PYCR2: variants seen among roughly 807,000 people sequenced by gnomAD.
PYCR2 encodes P5C reductase 2.
PYCR2 carries 17 observed loss-of-function variants against 23.4 expected under a neutral mutation model. The ratio of observed to expected loss-of-function variants is 0.73; its 90% CI spans 0.50 to 1.09. PYCR2 has a LOEUF of 1.09. Ranked by LOEUF, PYCR2 falls within the 50% of genes least tolerant of loss-of-function variation. PYCR2 has a pLI of 0.00. For missense variants in PYCR2, 380 were observed against 423.5 expected, an observed-to-expected ratio of 0.90 and a Z score of 0.90; for synonymous variants, 172 against 176.6, an observed-to-expected ratio of 0.97 and a Z score of 0.21.
rs750920770 is a variant in PYCR2 at position 225,923,751 on chromosome 1, T to C, written c.88A>G (p.Ile30Val). The C allele has an allele frequency of 1.2e-6, 2 of 1,614,112 alleles. No individual in the cohort carries two copies. Among genetic ancestry groups the C allele is most frequent in the South Asian group, 2.2e-5 (2 of 91,076 alleles). Residue 30 changes from isoleucine (I) to valine (V), a missense_variant, in exon 2 of 7, where the codon ATA (isoleucine) becomes GTA (valine). By Grantham distance (29) the Ile-to-Val change is conservative. Transcript: ENST00000343818. ...TAAGILSAHK[I>V]IASSPEMNLP... ...TTCATTTCTGGGGAGCTGGCTATTATCTTGTGAGCCGACAGGATGCCTGCA... is the reference window on the plus strand; with the variant it reads ...TTCATTTCTGGGGAGCTGGCTATTACCTTGTGAGCCGACAGGATGCCTGCA...
At position 225,923,719 on chromosome 1, in the gene PYCR2, G is replaced by A; in HGVS notation, c.120C>T (p.Pro40=). The A allele has an allele frequency of 1.2e-6, 2 of 1,614,152 alleles. No individual in the cohort carries two copies. Among genetic ancestry groups the A allele is most frequent in the Non-Finnish European group, 1.7e-6 (2 of 1,180,002 alleles). Residue 40 remains proline, a synonymous_variant, in exon 2 of 7, where the codon CCC becomes CCT. Transcript: ENST00000343818. ...CACCTACCCTGAGCGCGGACACCGTGGGCAGGTTCATTTCTGGGGAGCTGG... is the reference window on the plus strand; with the variant it reads ...CACCTACCCTGAGCGCGGACACCGTAGGCAGGTTCATTTCTGGGGAGCTGG... ...IIASSPEMNL[P]TVSALRKMGV... is the part of the protein sequence containing the mutation.
Position 225,921,929 on chromosome 1 carries a change from C to T in PYCR2, c.469G>A (p.Gly157Ser), listed in dbSNP as rs1021049051. ...QLLEQLMSSV[G>S]FCTEVEEDLI... ...TCCTCTTCCACCTCAGTGCAGAAGC[C>T]CACGCTGCTCATGAGCTGCTCCAGG... Residue 157 changes from glycine to serine, a missense_variant, in exon 4 of 7, where the codon GGC becomes AGC. Physicochemically the swap from Gly to Ser is moderately conservative, Grantham distance 56. Coordinates refer to ENST00000343818, the MANE Select transcript of PYCR2 (RefSeq NM_013328.4). The surrounding 1 kb of genome is among the most constrained non-coding windows in gnomAD (Gnocchi z 4.2). The T allele has an allele frequency of 1.9e-6, 3 of 1,613,894 alleles. No homozygotes were observed. The highest frequency in any genetic ancestry group is 2.5e-6 in the Non-Finnish European group (3 of 1,180,034).
chr1:225,920,442 G>T lies in PYCR2; in HGVS notation c.*13C>A. ...ACTAAGGGCTCTGAATCACAGAGGG[G>T]ACAGATGCTGCCTTAGTCCTTCTTG... On this transcript the variant is annotated 3_prime_UTR_variant, in exon 7 of 7. Coordinates refer to ENST00000343818, the MANE Select transcript of PYCR2 (RefSeq NM_013328.4). 1.4e-6 allele frequency: 2 copies of T among 1,426,528 alleles called. No individual in the cohort carries two copies. The highest frequency in any genetic ancestry group is 4.7e-5 in the East Asian group (2 of 42,310). The allele number at this position is 1,426,528 out of a possible 1,614,324, so 88.4% of individuals were successfully genotyped here.
rs1298870354 is a variant in PYCR2, at chr1:225,920,706, A to T, written c.798-86T>A. 9 of 1,481,538 alleles carry T rather than the reference A, an allele frequency of 6.1e-6. No homozygotes were observed. The African/African-American group carries it at 1.3e-4, about 21-fold the overall frequency. The allele number at this position is 1,481,538 out of a possible 1,614,324, so 91.8% of individuals were successfully genotyped here. The stretch of plus-strand genomic sequence containing the variant: ...AGTCTCCACTATCCACACAACCCTC[A>T]AGCTTGTTGATGTGACACCACCAAA... On this transcript the variant is annotated intron_variant, in intron 6 of 6. Coordinates refer to ENST00000343818, the MANE Select transcript of PYCR2 (RefSeq NM_013328.4).
intron 2 of PYCR2, chr1:225,923,068 G>A (rs1399002027): frequency 1.1e-6 from 1 of 941,972 alleles, no homozygotes; most frequent in Non-Finnish European, 1.3e-6. Context: ...TGTAAATGAG[G>A]AAATAGCCTC....
At chr1:225,923,111 C>T (rs535850264) in intron 2 of PYCR2, 7 of 837,318 alleles carry the variant, frequency 8.4e-6, no homozygotes, top group East Asian at 1.2e-4. Context: ...TCATACAACT[C>T]GTCTATTAAG....
chr1:225,921,433 C>T lies in PYCR2; in HGVS notation c.634-62G>A. ...GTGCGTTGGAACAGGCTTCCCATAC[C>T]CACTGCTCCTGCCCAACTGCTACCC... On this transcript the variant is annotated intron_variant, in intron 5 of 6. Transcript: ENST00000343818. The surrounding 1 kb of genome is among the most constrained non-coding windows in gnomAD (Gnocchi z 4.2). 2.0e-6 allele frequency: 3 copies of T among 1,523,618 alleles called. No individual in the cohort carries two copies. Among genetic ancestry groups the T allele is most frequent in the Non-Finnish European group, 2.7e-6 (3 of 1,105,722 alleles). 94.4% of individuals were successfully genotyped at this position (1,523,618 alleles called of 1,614,324 possible).
chr1:225,924,079 A>C lies in PYCR2; in HGVS notation c.32T>G (p.Leu11Arg). The change falls in exon 1 of 7, where the codon CTG becomes CGG. Residue 11 changes from leucine (L) to arginine (R), a missense_variant. Physicochemically the swap from Leu to Arg is moderately radical, Grantham distance 102 (BLOSUM62 -2). Coordinates refer to ENST00000343818, the MANE Select transcript of PYCR2 (RefSeq NM_013328.4). ...GAAGCCCCGCGCCAGAGCATAGGCCAGCTGGCCGGCCCCGATGAAGCCCAC... is the reference window on the plus strand; with the variant it reads ...GAAGCCCCGCGCCAGAGCATAGGCCCGCTGGCCGGCCCCGATGAAGCCCAC... MSVGFIGAGQ[L>R]AYALARGFTA... 6.5e-7 allele frequency: 1 copy of C among 1,545,598 alleles called. No homozygotes were observed.
intron 1 of PYCR2, 97 bp downstream of exon 1, chr1:225,923,947 C>G: frequency 4.7e-6 from 7 of 1,492,022 alleles, no homozygotes; most frequent in Non-Finnish European, 6.3e-6. Context: ...CCCCACCGGA[C>G]GCAAACTCCC....
At position 225,923,391 on chromosome 1, in the gene PYCR2, GAAAAA is replaced by G. The variant is rs146823965; in HGVS notation, c.138+305_138+309del. 3.7e-6 allele frequency: 4 copies of G among 1,090,952 alleles called. No individual in the cohort carries two copies. The East Asian group carries it at 2.3e-4, about 62-fold the overall frequency. 67.6% of individuals were successfully genotyped at this position (1,090,952 alleles called of 1,614,324 possible). On this transcript the variant is annotated intron_variant, in intron 2 of 6. Coordinates refer to ENST00000343818, the MANE Select transcript of PYCR2 (RefSeq NM_013328.4). Reference sequence around the variant, plus strand: ...TGGGCGACAGAGTAAGACCCTGTCTGAAAAAAAATTTAAAAAATGAGTATTTATTA... The same window carrying G: ...TGGGCGACAGAGTAAGACCCTGTCTGAAATTTAAAAAATGAGTATTTATTA...
chr1:225,924,084 G>T lies in PYCR2; in HGVS notation c.27C>A (p.Gly9=). Residue 9 remains glycine (G), a synonymous_variant, in exon 1 of 7, where the codon GGC becomes GGA. Coordinates refer to ENST00000343818, the MANE Select transcript of PYCR2 (RefSeq NM_013328.4). MSVGFIGA[G]QLAYALARGF... is the part of the protein sequence containing the mutation. ...CCCGCGCCAGAGCATAGGCCAGCTG[G>T]CCGGCCCCGATGAAGCCCACGCTCA... 1.3e-6 allele frequency: 2 copies of T among 1,545,678 alleles called. No individual in the cohort carries two copies.
Position 225,921,351 on chromosome 1 carries a change from C to G in PYCR2, c.654G>C (p.Leu218=), listed in dbSNP as rs996822195. Residue 218 remains leucine (L), a synonymous_variant, in exon 6 of 7, where the codon CTG becomes CTC. Transcript: ENST00000343818. The surrounding 1 kb of genome is among the most constrained non-coding windows in gnomAD (Gnocchi z 4.2). ...GCTGGCATGGATGCTGCTCCGAGTCCAGCAGCATCTTGGCAGCTCCCTATG... is the reference window on the plus strand; with the variant it reads ...GCTGGCATGGATGCTGCTCCGAGTCGAGCAGCATCTTGGCAGCTCCCTATG... ...QALLGAAKML[L]DSEQHPCQLK... 5 of 1,549,826 alleles carry G rather than the reference C, an allele frequency of 3.2e-6. No individual in the cohort carries two copies. The African/African-American group carries it at 4.1e-5, about 13-fold the overall frequency.
rs532568735 is a variant in PYCR2, at chr1:225,923,408, A to G, written c.138+293T>C. The G allele has an allele frequency of 2.2e-5, 26 of 1,174,160 alleles. No homozygotes were observed. The African/African-American group carries it at 3.3e-4, about 15-fold the overall frequency. 72.7% of individuals were successfully genotyped at this position (1,174,160 alleles called of 1,614,324 possible). Reference sequence around the variant, plus strand: ...CCCTGTCTGAAAAAAAATTTAAAAAATGAGTATTTATTAGGTACCTACTAT... The same window carrying G: ...CCCTGTCTGAAAAAAAATTTAAAAAGTGAGTATTTATTAGGTACCTACTAT... On this transcript the variant is annotated intron_variant, in intron 2 of 6. Coordinates refer to ENST00000343818, the MANE Select transcript of PYCR2 (RefSeq NM_013328.4).
chr1:225,922,024 GGT>G lies in PYCR2; in HGVS notation c.372_373del (p.Pro125CysfsTer36). ...TGTAGCGCCTTCCTGCACTACCACA[GGT>G]GTGTTGGTCATGCAGCGAATCACTT... is the stretch of plus-strand genomic sequence containing the variant. On this transcript the variant is annotated frameshift_variant, in exon 4 of 7. Coordinates refer to ENST00000343818, the MANE Select transcript of PYCR2 (RefSeq NM_013328.4). LOFTEE classifies it high-confidence loss of function. 1 of 1,614,206 alleles carries G rather than the reference GGT, an allele frequency of 6.2e-7. No homozygotes were observed.
rs756045532 is a variant in PYCR2 at position 225,921,888 on chromosome 1, G to T, written c.510C>A (p.Val170=). 10 of 1,613,180 alleles carry T rather than the reference G, an allele frequency of 6.2e-6. No individual in the cohort carries two copies. The South Asian group carries it at 1.1e-4, about 18-fold the overall frequency. ...TEVEEDLIDA[V]TGLSGSGPAY... is the part of the protein sequence containing the mutation. The stretch of plus-strand genomic sequence containing the variant: ...CAGGCCCGCTGCCACTGAGCCCCGT[G>T]ACGGCATCGATGAGGTCCTCTTCCA... The change falls in exon 4 of 7, where the codon GTC becomes GTA. Residue 170 remains valine, a synonymous_variant. Coordinates refer to ENST00000343818, the MANE Select transcript of PYCR2 (RefSeq NM_013328.4). This position sits in a 1 kb window ranked among gnomAD's most constrained non-coding sequence, Gnocchi z 4.2.
Position 225,921,348 on chromosome 1 carries a change from G to A in PYCR2, c.657C>T (p.Asp219=). 6.4e-7 allele frequency: 1 copy of A among 1,551,656 alleles called. No individual in the cohort carries two copies. Among genetic ancestry groups the A allele is most frequent in the Non-Finnish European group, 8.9e-7 (1 of 1,123,602 alleles). The change falls in exon 6 of 7, where the codon GAC becomes GAT. Residue 219 remains aspartate, a synonymous_variant. Coordinates refer to ENST00000343818, the MANE Select transcript of PYCR2 (RefSeq NM_013328.4). The surrounding 1 kb of genome is among the most constrained non-coding windows in gnomAD (Gnocchi z 4.2). ...TAAGCTGGCATGGATGCTGCTCCGAGTCCAGCAGCATCTTGGCAGCTCCCT... is the reference window on the plus strand; with the variant it reads ...TAAGCTGGCATGGATGCTGCTCCGAATCCAGCAGCATCTTGGCAGCTCCCT... ...ALLGAAKMLL[D]SEQHPCQLKD...
rs1317713360 is a variant in PYCR2 at position 225,924,243 on chromosome 1, T to A, written c.-133A>T. Reference sequence around the variant, plus strand: ...GAGGACCGGCGAGCTAACAGCAGCTTCTGGGATGGTGCAACCCTATTCTCC... The same window carrying A: ...GAGGACCGGCGAGCTAACAGCAGCTACTGGGATGGTGCAACCCTATTCTCC... On this transcript the variant is annotated 5_prime_UTR_variant, in exon 1 of 7. Coordinates refer to ENST00000343818, the MANE Select transcript of PYCR2 (RefSeq NM_013328.4). The A allele has an allele frequency of 1.9e-6, 2 of 1,034,294 alleles. No individual in the cohort carries two copies. Among genetic ancestry groups the A allele is most frequent in the Non-Finnish European group, 2.7e-6 (2 of 731,574 alleles). The allele number at this position is 1,034,294 out of a possible 1,614,324, so 64.1% of individuals were successfully genotyped here.
intron 1 of PYCR2, 26 bp downstream of exon 1, chr1:225,924,018 G>GCCGCTTC (rs138311498): frequency 6.5e-7 from 1 of 1,534,492 alleles, no homozygotes; most frequent in Non-Finnish European, 8.7e-7. Context: ...CGCCCGCGAA[G>GCCGCTTC]CCGCCTCCCG....
In PYCR2 at chr1:225,924,113, T is replaced by C; in HGVS notation, c.-3A>G. 1.9e-6 allele frequency: 3 copies of C among 1,543,308 alleles called. No individual in the cohort carries two copies. The highest frequency in any genetic ancestry group is 2.6e-6 in the Non-Finnish European group (3 of 1,147,138). On this transcript the variant is annotated 5_prime_UTR_variant, in exon 1 of 7. Coordinates refer to ENST00000343818, the MANE Select transcript of PYCR2 (RefSeq NM_013328.4). ...GCCCCGATGAAGCCCACGCTCATGG[T>C]CCGCGGTTCACGCCTCCTGGGAGCC...
Sources: gnomAD v4.1 joint callset for allele counts on GRCh38, gnomAD v4.1.1 for gene constraint, Gnocchi (gnomAD v3.1) non-coding constraint, MANE v1.5 for transcripts, NCBI Gene and HGNC (gene_info 2026-07-23, HGNC 2026-07-21) for gene names.